Variants in TMEM117 observed in about 807,000 individuals in gnomAD.
TMEM117 encodes the protein transmembrane protein 117.
A neutral mutation model predicts 52.4 loss-of-function variants in TMEM117; 27 were observed. The observed-to-expected ratio is 0.51, with a 90% CI of 0.38 to 0.71. The LOEUF is 0.71. Ranked by LOEUF, TMEM117 falls within the 30% of genes least tolerant of loss-of-function variation. The probability of loss-of-function intolerance (pLI) is 0.00; values close to 1 mark genes in which losing one functional copy is unlikely to be tolerated. For synonymous variants in TMEM117, 215 were observed against 206.3 expected, an observed-to-expected ratio of 1.04 and a Z score of -0.36; for missense variants, 556 against 630.5, an observed-to-expected ratio of 0.88 and a Z score of 1.26.
intron 3 of TMEM117, among the ~76,000 whole-genome samples, chr12:44,069,007 C>T (rs990841964): frequency 1.3e-5 from 2 of 152,026 alleles, no homozygotes; most frequent in African/African-American, 4.8e-5. Flanking sequence ...AGTTTGAGCC[C>T]ACTCAAAGAG....
intron 2 of TMEM117, among the ~76,000 whole-genome samples, chr12:43,900,717 C>CAAA (rs11381879): frequency 2.7e-5 from 4 of 145,478 alleles, no homozygotes; most frequent in African/African-American, 1.0e-4. Flanking sequence ...GACTTTGTCT[C>CAAA]AAAAAAAAAA....
At chr12:43,875,138 A>G (rs925098208) in intron 2 of TMEM117, among the ~76,000 whole-genome samples, 7 of 152,212 alleles carry the variant, frequency 4.6e-5, no homozygotes, top group African/African-American at 7.2e-5. Context: ...ATGTATTTGT[A>G]AGAAGTTAAA....
chr12:44,257,764 C>T (rs921356245), intron 5 of TMEM117, among the ~76,000 whole-genome samples: 1 of 152,046 alleles, frequency 6.6e-6, no homozygotes, highest in Non-Finnish European at 1.5e-5. Context: ...TTTACATTTT[C>T]CTCTCCGAAC....
At chr12:44,353,450 A>G (rs1951596975) in intron 6 of TMEM117, among the ~76,000 whole-genome samples, 2 of 152,086 alleles carry the variant, frequency 1.3e-5, no homozygotes, top group South Asian at 4.1e-4. Context: ...TAAGTCTTTA[A>G]TCCATCTTGA....
intron 6 of TMEM117, among the ~76,000 whole-genome samples, chr12:44,350,147 T>C (rs987006288): frequency 7.2e-5 from 11 of 152,086 alleles, no homozygotes; most frequent in African/African-American, 2.4e-4. Flanking sequence ...GGGAACAGCC[T>C]GTCTTCACTA....
intron 5 of TMEM117, among the ~76,000 whole-genome samples, chr12:44,236,609 A>G (rs908656971): frequency 2.0e-5 from 3 of 152,072 alleles, no homozygotes; most frequent in Non-Finnish European, 4.4e-5. Context: ...TTTTGAGTGA[A>G]TGTTTCTATT....
At chr12:44,022,665 C>T (rs1946473718) in intron 3 of TMEM117, among the ~76,000 whole-genome samples, 1 of 152,116 alleles carries the variant, frequency 6.6e-6, no homozygotes, top group African/African-American at 2.4e-5. Context: ...GCCATCAAGT[C>T]TTTAGGCAGT....
At chr12:44,126,247 T>G (rs1013405744) in intron 3 of TMEM117, among the ~76,000 whole-genome samples, 1 of 152,222 alleles carries the variant, frequency 6.6e-6, no homozygotes, top group Non-Finnish European at 1.5e-5. Flanking sequence ...GTACACAGAT[T>G]TTTGAAACTG....
intron 2 of TMEM117, among the ~76,000 whole-genome samples, chr12:43,892,923 A>C (rs1192579234): frequency 6.6e-6 from 1 of 152,198 alleles, no homozygotes; most frequent in African/African-American, 2.4e-5. Flanking sequence ...CTTGTCTGAA[A>C]AGGTGAGATT....
intron 2 of TMEM117, among the ~76,000 whole-genome samples, chr12:43,897,047 C>G (rs375430347): frequency 6.6e-6 from 1 of 152,128 alleles, no homozygotes; most frequent in African/African-American, 2.4e-5. Flanking sequence ...TTTTCTTTCT[C>G]TGTGAGATTG....
intron 3 of TMEM117, among the ~76,000 whole-genome samples, chr12:44,005,882 C>G (rs146803086): frequency 4.8e-4 from 73 of 152,316 alleles, no homozygotes; most frequent in African/African-American, 1.7e-3. Context: ...TGTACAAGAT[C>G]TCTCTTTTTG....
At chr12:44,235,011 T>C (rs564877434) in intron 5 of TMEM117, among the ~76,000 whole-genome samples, 39 of 151,686 alleles carry the variant, frequency 2.6e-4, no homozygotes, top group Non-Finnish European at 4.3e-4. Flanking sequence ...ATGTGTCTAC[T>C]TCTTTTAGTT....
the TMEM117 span, among the ~76,000 whole-genome samples, chr12:43,813,709 C>T: frequency 6.6e-6 from 1 of 152,274 alleles, no homozygotes; most frequent in African/African-American, 2.4e-5. Context: ...CTTCCTTACT[C>T]AGTGACTGTT....
chr12:44,238,805 G>A (rs1446449312), intron 5 of TMEM117, among the ~76,000 whole-genome samples: 3 of 152,040 alleles, frequency 2.0e-5, no homozygotes, highest in Admixed American at 2.0e-4. Context: ...AAACTCAAAT[G>A]GTTTCAACTA....
intron 2 of TMEM117, among the ~76,000 whole-genome samples, chr12:43,907,548 G>A (rs1194399611): frequency 1.3e-5 from 2 of 149,698 alleles, no homozygotes; most frequent in Admixed American, 6.7e-5. Flanking sequence ...AAATTACTCT[G>A]AGCTACGGGA....
At chr12:43,813,128 C>T in the TMEM117 span, among the ~76,000 whole-genome samples, 1 of 151,578 alleles carries the variant, frequency 6.6e-6, no homozygotes, top group Non-Finnish European at 1.5e-5. Context: ...GACTCACTGA[C>T]TCCATGGGTC....
At chr12:44,149,196 C>G (rs553094360) in intron 4 of TMEM117, among the ~76,000 whole-genome samples, 3 of 152,324 alleles carry the variant, frequency 2.0e-5, no homozygotes, top group South Asian at 2.1e-4. Flanking sequence ...CATTACTGCT[C>G]TCAGTGGCAC....
chr12:43,936,770 T>G (rs74084765), intron 2 of TMEM117, among the ~76,000 whole-genome samples: 176 of 152,130 alleles, frequency 1.2e-3, no homozygotes, highest in African/African-American at 4.2e-3. Context: ...TATTCCGGAT[T>G]TGGGAGTGGT....
chr12:43,800,410 T>C, the TMEM117 span: 4 of 1,562,510 alleles, frequency 2.6e-6, no homozygotes, highest in African/African-American at 2.7e-5. Flanking sequence ...TTGCAACATA[T>C]AGAATCCACA....
Sources: allele counts gnomAD v4.1 joint callset (sites outside exome capture counted in the v4.1 genomes callset), GRCh38; gene constraint gnomAD v4.1.1; transcripts MANE v1.5; gene names NCBI Gene and HGNC (gene_info 2026-07-23, HGNC 2026-07-21).